The following REEP1 variants were observed in gnomAD, a reference collection of about 807,000 sequenced individuals.
REEP1 encodes receptor accessory protein 1.
REEP1 carries 22 observed loss-of-function variants against 40.3 expected under a neutral mutation model. The observed-to-expected ratio is 0.55, with a 90% CI of 0.39 to 0.78. The LOEUF (loss-of-function observed/expected upper bound fraction) is 0.78. Among genes scored for constraint, REEP1 ranks in the 30% least tolerant of loss-of-function variants. REEP1 has a pLI of 0.00. For missense variants in REEP1, 280 were observed against 361.1 expected, an observed-to-expected ratio of 0.78 and a Z score of 1.82; for synonymous variants, 116 against 139.2, an observed-to-expected ratio of 0.83 and a Z score of 1.17.
At chr2:86,285,952 C>T (rs1158363898) in intron 1 of REEP1, among the ~76,000 whole-genome samples, 1 of 152,146 alleles carries the variant, frequency 6.6e-6, no homozygotes, top group Non-Finnish European at 1.5e-5. Context: ...TCCAGAGAGA[C>T]CAGGCTCTGC....
intron 2 of REEP1, among the ~76,000 whole-genome samples, chr2:86,267,138 G>A (rs1249037384): frequency 6.6e-6 from 1 of 152,140 alleles, no homozygotes; most frequent in Non-Finnish European, 1.5e-5. Context: ...ATATGGTTTG[G>A]ATGTGTGGTT....
At chr2:86,337,947 G>T, upstream of REEP1, 2 of 1,356,882 alleles carry the variant, frequency 1.5e-6, no homozygotes, top group Non-Finnish European at 2.0e-6. The surrounding 1 kb of genome is among the most constrained non-coding windows in gnomAD (Gnocchi z 5.8). Context: ...TGAACCTCGG[G>T]AATCTGTCTG....
intron 6 of REEP1, among the ~76,000 whole-genome samples, chr2:86,229,330 G>C (rs927510440): frequency 2.0e-5 from 3 of 152,184 alleles, no homozygotes; most frequent in Non-Finnish European, 4.4e-5. Context: ...TGCTGTGTCT[G>C]CACAGGCCCG....
In REEP1 at chr2:86,267,012, AAAAAAAAAAC is replaced by A. The variant is rs1297203298; in HGVS notation, c.106-2981_106-2972del. On this transcript the variant is annotated intron_variant, in intron 2 of 8. Coordinates refer to ENST00000538924, the MANE Select transcript of REEP1 (RefSeq NM_001371279.1). ...ACAGAGCAAGACTCTGTCTCAGGGG[AAAAAAAAAAC>A]AAAAAAAAACAACCAAACTAAAAAA... 4.0e-3 allele frequency among the ~76,000 whole-genome samples: 519 copies of A among 130,540 alleles called. 5 individuals carry two copies. The highest frequency in any genetic ancestry group is 7.0e-3 in the Middle Eastern group (2 of 286). 85.6% of individuals were successfully genotyped at this position (130,540 alleles called of 152,430 possible).
intron 2 of REEP1, among the ~76,000 whole-genome samples, chr2:86,266,705 A>G (rs116315837): frequency 0.039 from 5,822 of 151,128 alleles, 390 homozygotes; most frequent in African/African-American, 0.13. Flanking sequence ...AAAAGCACAC[A>G]CACAAAAAAA....
At chr2:86,279,326 G>A (rs147446102) in intron 2 of REEP1, among the ~76,000 whole-genome samples, 64 of 152,332 alleles carry the variant, frequency 4.2e-4, no homozygotes, top group African/African-American at 1.5e-3. Context: ...CTGTAATGAA[G>A]TTTGTGCTTG....
intron 1 of REEP1, among the ~76,000 whole-genome samples, chr2:86,307,514 A>G (rs534864105): frequency 3.5e-4 from 53 of 152,336 alleles, no homozygotes; most frequent in African/African-American, 1.2e-3. Flanking sequence ...TCTAATCCCA[A>G]TACTTTGGGA....
chr2:86,215,757 T>C lies in REEP1; in HGVS notation c.*1282A>G, dbSNP rs1674076221. On this transcript the variant is annotated 3_prime_UTR_variant, in exon 9 of 9. Coordinates refer to ENST00000538924, the MANE Select transcript of REEP1 (RefSeq NM_001371279.1). ...CTCAGAGAATGCCTTATTCCCCTACTAAGCAATCCAGGCTTGTATAAAACG... is the reference window on the plus strand; with the variant it reads ...CTCAGAGAATGCCTTATTCCCCTACCAAGCAATCCAGGCTTGTATAAAACG... 1 of 152,602 alleles carries C rather than the reference T, an allele frequency of 6.6e-6. No individual in the cohort carries two copies. The highest frequency in any genetic ancestry group is 6.5e-5 in the Admixed American group (1 of 15,284). 9.5% of individuals were successfully genotyped at this position (152,602 alleles called of 1,614,324 possible).
chr2:86,327,500 G>A (rs1451542600), intron 1 of REEP1, among the ~76,000 whole-genome samples: 2 of 152,006 alleles, frequency 1.3e-5, no homozygotes, highest in South Asian at 2.1e-4. Context: ...CAATGGTAAG[G>A]ACTTTGAGTT....
intron 2 of REEP1, among the ~76,000 whole-genome samples, chr2:86,267,576 T>C (rs942559046): frequency 6.6e-6 from 1 of 151,428 alleles, no homozygotes; most frequent in Non-Finnish European, 1.5e-5. Context: ...TAGCTAGCTA[T>C]TTGGGAGGCT....
chr2:86,273,018 G>T (rs1374182802), intron 2 of REEP1, among the ~76,000 whole-genome samples: 1 of 151,974 alleles, frequency 6.6e-6, no homozygotes, highest in Non-Finnish European at 1.5e-5. Flanking sequence ...CAGCTACCAG[G>T]GTGGCTAAGG....
Position 86,254,885 on chromosome 2 carries a change from C to T in REEP1, c.183-71G>A, listed in dbSNP as rs1208877083. On this transcript the variant is annotated intron_variant, in intron 3 of 8. Coordinates refer to ENST00000538924, the MANE Select transcript of REEP1 (RefSeq NM_001371279.1). ...CACTGCCCTTTTGAAGGATGAGACC[C>T]GGTGGGTGGCAAGGACGCCTCTCCT... is the stretch of plus-strand genomic sequence containing the variant. The T allele has an allele frequency of 2.7e-5, 43 of 1,567,376 alleles. No individual in the cohort carries two copies. The Admixed American group carries it at 6.4e-4, about 23-fold the overall frequency.
chr2:86,305,738 G>A (rs60427833), intron 1 of REEP1, among the ~76,000 whole-genome samples: 4,579 of 152,162 alleles, frequency 0.03, 119 homozygotes, highest in East Asian at 0.07. Context: ...CAGCCAGCAG[G>A]CTCCAGGCTT....
At chr2:86,217,132 T>C in intron 8 of REEP1, 22 bp from the exon 9 acceptor site, 1 of 1,603,854 alleles carries the variant, frequency 6.2e-7, no homozygotes, top group East Asian at 2.2e-5. Flanking sequence ...AACAGAAAGG[T>C]GTCCCTCAGT....
intron 8 of REEP1, among the ~76,000 whole-genome samples, chr2:86,218,422 G>C (rs1234296305): frequency 6.6e-6 from 1 of 152,218 alleles, no homozygotes; most frequent in Non-Finnish European, 1.5e-5. Context: ...GAATGAGCCA[G>C]AAAACAAGAC....
Position 86,214,027 on chromosome 2 carries a change from G to C in REEP1, c.*3012C>G. ...AGAAAAATGTTAAGACTTTATTCAAGATGTGTATCAGGCATTATAACAAAA... is the reference window on the plus strand; with the variant it reads ...AGAAAAATGTTAAGACTTTATTCAACATGTGTATCAGGCATTATAACAAAA... On this transcript the variant is annotated 3_prime_UTR_variant, in exon 9 of 9. Transcript: ENST00000538924. The C allele has an allele frequency of 4.3e-6, 1 of 232,968 alleles. No individual in the cohort carries two copies. Among genetic ancestry groups the C allele is most frequent in the Non-Finnish European group, 8.5e-6 (1 of 117,798 alleles). 14.4% of individuals were successfully genotyped at this position (232,968 alleles called of 1,614,324 possible). A position where few individuals can be genotyped will look rare whatever the true frequency, so the allele number is the denominator to read the frequency against.
intron 1 of REEP1, among the ~76,000 whole-genome samples, chr2:86,288,927 C>A (rs979393852): frequency 6.6e-6 from 1 of 152,106 alleles, no homozygotes; most frequent in Non-Finnish European, 1.5e-5. Flanking sequence ...TGTTTATATC[C>A]CTCCATTAGT....
At position 86,330,238 on chromosome 2, in the gene REEP1, G is replaced by A. The variant is rs540343003; in HGVS notation, c.32+7241C>T. Among the ~76,000 whole-genome samples the A allele has an allele frequency of 1.1e-4, 17 of 152,296 alleles. No homozygotes were observed. In the East Asian group the frequency reaches 3.3e-3, roughly 29 times the overall value. On this transcript the variant is annotated intron_variant, in intron 1 of 8. Coordinates refer to ENST00000538924, the MANE Select transcript of REEP1 (RefSeq NM_001371279.1). ...GGACATTTCTAGGTTTGCAAAGCTG[G>A]TTAGGAGTCATTCATTCAACATATA...
intron 1 of REEP1, among the ~76,000 whole-genome samples, chr2:86,284,574 G>A (rs1054993237): frequency 5.9e-5 from 9 of 152,196 alleles, no homozygotes; most frequent in African/African-American, 1.9e-4. Flanking sequence ...CGGGCACAAC[G>A]CCATGGACTG....
Sources: gnomAD v4.1 joint callset for allele counts (sites outside exome capture counted in the v4.1 genomes callset) on GRCh38, gnomAD v4.1.1 for gene constraint, Gnocchi (gnomAD v3.1) non-coding constraint, MANE v1.5 for transcripts, NCBI Gene and HGNC (gene_info 2026-07-23, HGNC 2026-07-21) for gene names.